The following LPAR1 variants were observed in gnomAD, a reference collection of about 807,000 sequenced individuals.
LPAR1 encodes the protein LPA receptor 1.
Under a neutral mutation model 23.8 loss-of-function variants are expected in LPAR1, and 5 were observed. The observed-to-expected ratio is 0.21, with a 90% CI of 0.11 to 0.44. LPAR1 has a LOEUF of 0.44. Ranked by LOEUF, LPAR1 falls within the 20% of genes least tolerant of loss-of-function variation. The pLI, the probability that LPAR1 is intolerant of heterozygous loss-of-function variation, is 0.99. For synonymous variants in LPAR1, 160 were observed against 164.7 expected, an observed-to-expected ratio of 0.97 and a Z score of 0.22; for missense variants, 311 against 482.8, an observed-to-expected ratio of 0.64 and a Z score of 3.33.
chr9:110,909,644 C>T (rs1366900713), intron 5 of LPAR1, among the ~76,000 whole-genome samples: 3 of 152,152 alleles, frequency 2.0e-5, no homozygotes, highest in Admixed American at 6.5e-5. Flanking sequence ...GTAATCCTCA[C>T]AATATTTCAA....
chr9:110,912,476 G>A (rs2092579496), intron 5 of LPAR1, among the ~76,000 whole-genome samples: 1 of 152,136 alleles, frequency 6.6e-6, no homozygotes, highest in African/African-American at 2.4e-5. Flanking sequence ...TGACTACAGA[G>A]TTTTCTCATT....
intron 4 of LPAR1, among the ~76,000 whole-genome samples, chr9:110,948,797 T>A (rs754862168): frequency 1.3e-5 from 2 of 152,014 alleles, no homozygotes; most frequent in African/African-American, 2.4e-5. Flanking sequence ...GCTTTAATAC[T>A]ATTGGGAAAC....
intron 5 of LPAR1, among the ~76,000 whole-genome samples, chr9:110,891,796 G>T (rs1477808057): frequency 1.3e-5 from 2 of 152,260 alleles, no homozygotes; most frequent in African/African-American, 4.8e-5. Flanking sequence ...AAGGCGATCA[G>T]CTTCACTAGT....
chr9:111,038,133 G>C lies in LPAR1; in HGVS notation c.-262+34C>G, dbSNP rs1180097570. 2 of 151,286 alleles carry C rather than the reference G, an allele frequency of 1.3e-5. No individual in the cohort carries two copies. Among genetic ancestry groups the C allele is most frequent in the Admixed American group, 1.3e-4 (2 of 15,184 alleles). The allele number at this position is 151,286 out of a possible 1,614,324, so 9.4% of individuals were successfully genotyped here. On this transcript the variant is annotated intron_variant, in intron 1 of 5. Transcript: ENST00000683809. This position sits in a 1 kb window ranked among gnomAD's most constrained non-coding sequence, Gnocchi z 4.4. ...CGGCCTCTGGCTTCGCGCCCAGGGG[G>C]CGCCGTCCCCACACGCCGCGCCGGC...
rs941653644 is a variant in LPAR1, at chr9:110,881,002, G to A, written c.794-5280C>T. ...AAGCTTATTCTTCCCCAGTCTTGCA[G>A]CTAAGGGTTCATTATAATGGGGGTG... On this transcript the variant is annotated intron_variant, in intron 5 of 5. Transcript: ENST00000683809. Among the ~76,000 whole-genome samples the A allele has an allele frequency of 3.0e-4, 46 of 152,304 alleles. 1 individual carries two copies. The highest frequency in any genetic ancestry group is 2.9e-3 in the Admixed American group (44 of 15,290).
intron 5 of LPAR1, among the ~76,000 whole-genome samples, chr9:110,906,916 A>G (rs1220841519): frequency 2.1e-5 from 3 of 141,094 alleles, no homozygotes; most frequent in Non-Finnish European, 4.9e-5. Context: ...AAATTATGAT[A>G]TAAAAATCCT....
chr9:110,920,691 T>C (rs1014736245), intron 5 of LPAR1, among the ~76,000 whole-genome samples: 2 of 152,224 alleles, frequency 1.3e-5, no homozygotes, highest in African/African-American at 4.8e-5. Flanking sequence ...ATACTTAATT[T>C]CCTTCAGTAA....
chr9:110,906,680 A>C, intron 5 of LPAR1, among the ~76,000 whole-genome samples: 1 of 152,176 alleles, frequency 6.6e-6, no homozygotes, highest in East Asian at 1.9e-4. Context: ...GCTCATAACC[A>C]GTTATCAAAA....
intron 5 of LPAR1, among the ~76,000 whole-genome samples, chr9:110,926,950 C>T (rs180705438): frequency 1.2e-4 from 19 of 152,316 alleles, no homozygotes; most frequent in African/African-American, 4.6e-4. Context: ...AGTACTGATG[C>T]CTGAATCCCA....
intron 5 of LPAR1, among the ~76,000 whole-genome samples, chr9:110,884,119 C>A (rs893107965): frequency 1.3e-5 from 2 of 152,164 alleles, no homozygotes; most frequent in African/African-American, 4.8e-5. Context: ...CTGCATAGTA[C>A]GAGTCCTTAC....
At chr9:110,947,506 C>T (rs2095423097) in intron 4 of LPAR1, among the ~76,000 whole-genome samples, 1 of 152,204 alleles carries the variant, frequency 6.6e-6, no homozygotes, top group African/African-American at 2.4e-5. Flanking sequence ...ATTTACCTCA[C>T]CTTATTGTGT....
chr9:110,931,587 G>A (rs1355811945), intron 5 of LPAR1, among the ~76,000 whole-genome samples: 1 of 152,194 alleles, frequency 6.6e-6, no homozygotes, highest in Non-Finnish European at 1.5e-5. Flanking sequence ...TAGACATGAA[G>A]TCCTTGCCCA....
intron 5 of LPAR1, among the ~76,000 whole-genome samples, chr9:110,897,825 T>C (rs1441996451): frequency 6.6e-6 from 1 of 151,280 alleles, no homozygotes; most frequent in Non-Finnish European, 1.5e-5. Flanking sequence ...TTTTTTTTAA[T>C]GAGCAGATAT....
Position 111,018,469 on chromosome 9 carries a change from C to A in LPAR1, c.-182+17653G>T, listed in dbSNP as rs138609052. On this transcript the variant is annotated intron_variant, in intron 2 of 5. Transcript: ENST00000683809. ...ATTTACTGAAGTGAGTTCACTATAA[C>A]AGTAGCTGAATGGAATTAACATCAC... Among the ~76,000 whole-genome samples the A allele has an allele frequency of 3.2e-3, 488 of 152,280 alleles. 3 individuals carry two copies. Among genetic ancestry groups the A allele is most frequent in the African/African-American group, 0.011 (471 of 41,572 alleles).
At position 110,942,068 on chromosome 9, in the gene LPAR1, C is replaced by T. The variant is rs2095139386; in HGVS notation, c.146G>A (p.Ser49Asn). The T allele has an allele frequency of 1.2e-6, 2 of 1,614,006 alleles. No homozygotes were observed. The part of the protein sequence containing the change: ...KHLATEWNTV[S>N]KLVMGLGITV... ...GATTCCAAGTCCCATCACCAGCTTG[C>T]TGACTGTGTTCCATTCTGTGGCAAG... Residue 49 changes from serine (S) to asparagine (N), a missense_variant, in exon 5 of 6, where the codon AGC becomes AAC. Ser to Asn is a conservative substitution (Grantham distance 46). This residue lies in a region of LPAR1 where 250 missense variants were observed against 427.2 expected (regional missense o/e 0.59). Coordinates refer to ENST00000683809, the MANE Select transcript of LPAR1 (RefSeq NM_001351411.2).
At chr9:110,947,984 C>T (rs958567401) in intron 4 of LPAR1, among the ~76,000 whole-genome samples, 6 of 152,088 alleles carry the variant, frequency 3.9e-5, no homozygotes, top group Admixed American at 6.5e-5. Context: ...TGAGCCGGGG[C>T]GGGGGCCTGA....
In LPAR1 at chr9:111,001,639, C is replaced by G. The variant is rs140644551; in HGVS notation, c.-181-28081G>C. On this transcript the variant is annotated intron_variant, in intron 2 of 5. Transcript: ENST00000683809. ...TAATTTGACTGGCCTAGGGGAACTCCAGCATCATGCTGGTCTCTTATTTCC... is the reference window on the plus strand; with the variant it reads ...TAATTTGACTGGCCTAGGGGAACTCGAGCATCATGCTGGTCTCTTATTTCC... Among the ~76,000 whole-genome samples the G allele has an allele frequency of 2.4e-4, 37 of 152,300 alleles. 1 individual carries two copies. The East Asian group carries it at 5.6e-3, about 23-fold the overall frequency.
intron 5 of LPAR1, among the ~76,000 whole-genome samples, chr9:110,936,144 C>T (rs957049917): frequency 2.6e-5 from 4 of 152,184 alleles, no homozygotes; most frequent in African/African-American, 7.2e-5. Flanking sequence ...CACATGAACC[C>T]GAGTGCTTTG....
At chr9:110,910,580 C>T (rs537496643) in intron 5 of LPAR1, among the ~76,000 whole-genome samples, 1 of 152,146 alleles carries the variant, frequency 6.6e-6, no homozygotes, top group Non-Finnish European at 1.5e-5. Flanking sequence ...TTTTGTAAAG[C>T]TAGAGCTGCC....
Sources: allele counts gnomAD v4.1 joint callset (sites outside exome capture counted in the v4.1 genomes callset), GRCh38; gene constraint gnomAD v4.1.1; regional missense constraint gnomAD v4.1.1; non-coding constraint Gnocchi (gnomAD v3.1); transcripts MANE v1.5; gene names NCBI Gene and HGNC (gene_info 2026-07-23, HGNC 2026-07-21).